Variants in TBXAS1 observed in about 807,000 individuals in gnomAD.
TBXAS1 encodes thromboxane-A synthase.
Under a neutral mutation model 60.7 loss-of-function variants are expected in TBXAS1, and 48 were observed. That is an observed-to-expected ratio of 0.79 (90% CI 0.63 to 1.01). The LOEUF (loss-of-function observed/expected upper bound fraction) is 1.01. Ranked by LOEUF, TBXAS1 falls within the 50% of genes least tolerant of loss-of-function variation. The pLI is 0.00. For synonymous variants in TBXAS1, 287 were observed against 269.7 expected (o/e 1.06, Z -0.63); for missense variants, 685 against 686.3 (o/e 1.00, Z 0.02).
rs557507007 is a variant in TBXAS1 at position 139,807,614 on chromosome 7, A to C, written c.-80+20188A>C. Among the ~76,000 whole-genome samples the C allele has an allele frequency of 1.6e-4, 24 of 151,942 alleles. 1 individual carries two copies. The South Asian group carries it at 5.0e-3, about 32-fold the overall frequency. On this transcript the variant is annotated intron_variant, in intron 4 of 16. Transcript: ENST00000336425. ...TGGCCAGGATGGTCTCGATCTCTTGACTTCGTGATCCACCCACCTCAGCCT... is the reference window on the plus strand; with the variant it reads ...TGGCCAGGATGGTCTCGATCTCTTGCCTTCGTGATCCACCCACCTCAGCCT...
At position 140,020,072 on chromosome 7, in the gene TBXAS1, T is replaced by G. The variant is rs756965786; in HGVS notation, c.1575T>G (p.Gly525=). The G allele has an allele frequency of 6.2e-7, 1 of 1,612,824 alleles. No homozygotes were observed. ...ESKSALGPKN[G]VYIKIVSR Reference sequence around the variant, plus strand: ...AATCTGCCCTAGGTCCAAAAAATGGTGTCTATATCAAGATCGTATCCCGCT... The same window carrying G: ...AATCTGCCCTAGGTCCAAAAAATGGGGTCTATATCAAGATCGTATCCCGCT... Residue 525 remains glycine (G), a synonymous_variant, in exon 13 of 13, where the codon GGT becomes GGG. Coordinates refer to ENST00000448866, the MANE Select transcript of TBXAS1 (RefSeq NM_001061.7).
At chr7:139,987,066 T>C (rs1193708544) in intron 9 of TBXAS1, among the ~76,000 whole-genome samples, 1 of 152,040 alleles carries the variant, frequency 6.6e-6, no homozygotes, top group Non-Finnish European at 1.5e-5. Context: ...AGTGCAGTCA[T>C]GAGCCAGCAC....
rs765376370 is a variant in TBXAS1, at chr7:140,017,740, C to A, written c.1434C>A (p.Ser478Arg). Residue 478 changes from serine (S) to arginine (R), a missense_variant, in exon 12 of 13, where the codon AGC becomes AGA. By Grantham distance (110) the Ser-to-Arg change is moderately radical. Coordinates refer to ENST00000448866, the MANE Select transcript of TBXAS1 (RefSeq NM_001061.7). ...TYLPFGAGPR[S>R]CLGVRLGLLE... ...TGCCCTTCGGGGCCGGCCCACGGAG[C>A]TGCCTCGGGGTGCGTCTAGGGCTGC... The A allele has an allele frequency of 1.2e-6, 2 of 1,614,074 alleles. No individual in the cohort carries two copies. The highest frequency in any genetic ancestry group is 1.7e-6 in the Non-Finnish European group (2 of 1,179,944).
In TBXAS1 at chr7:139,934,778, T is replaced by G. The variant is rs772859169; in HGVS notation, c.334-1413T>G. ...CTTCTAATAAGCACACCAGTCATGT[T>G]GGATTAGGGCCCACCCTAATGACCT... On this transcript the variant is annotated intron_variant, in intron 4 of 12. Transcript: ENST00000448866. 1.2e-4 allele frequency among the ~76,000 whole-genome samples: 18 copies of G among 152,174 alleles called. No homozygotes were observed. In the South Asian group the frequency reaches 1.7e-3, roughly 14 times the overall value.
At chr7:139,923,258 C>T (rs1584863927) in intron 4 of TBXAS1, among the ~76,000 whole-genome samples, 1 of 151,902 alleles carries the variant, frequency 6.6e-6, no homozygotes, top group African/African-American at 2.4e-5. Context: ...GCCCAGGAGG[C>T]GTAGGTTGTA....
chr7:139,930,022 A>C (rs1295200782), intron 4 of TBXAS1, among the ~76,000 whole-genome samples: 1 of 152,088 alleles, frequency 6.6e-6, no homozygotes, highest in Non-Finnish European at 1.5e-5. Flanking sequence ...GAGGCCCTCC[A>C]CACACAGGCC....
At chr7:139,995,549 C>T (rs1813228495) in intron 9 of TBXAS1, among the ~76,000 whole-genome samples, 1 of 152,170 alleles carries the variant, frequency 6.6e-6, no homozygotes, top group Admixed American at 6.5e-5. Flanking sequence ...TGGGGTCTCT[C>T]GTGTGGCTCT....
At position 139,928,588 on chromosome 7, in the gene TBXAS1, G is replaced by A. The variant is rs769457091; in HGVS notation, c.334-7603G>A. Among the ~76,000 whole-genome samples the A allele has an allele frequency of 1.1e-4, 17 of 152,112 alleles. 1 individual carries two copies. The highest frequency in any genetic ancestry group is 2.4e-4 in the Non-Finnish European group (16 of 68,024). ...TATGAAAATAACAAATAAAATGTTC[G>A]ATTCGACTGGGATAAGTGTAGAAAT... On this transcript the variant is annotated intron_variant, in intron 4 of 12. Coordinates refer to ENST00000448866, the MANE Select transcript of TBXAS1 (RefSeq NM_001061.7).
chr7:139,842,073 C>A (rs1799487108), intron 1 of TBXAS1, among the ~76,000 whole-genome samples: 1 of 151,960 alleles, frequency 6.6e-6, no homozygotes, highest in Admixed American at 6.5e-5. Flanking sequence ...GTGTATGAAC[C>A]AGTTCTGGAA....
chr7:139,924,191 T>C (rs1249724349), intron 4 of TBXAS1, among the ~76,000 whole-genome samples: 1 of 152,222 alleles, frequency 6.6e-6, no homozygotes, highest in South Asian at 2.1e-4. Flanking sequence ...ATGGTAGCTC[T>C]ATTTTTAGTT....
intron 11 of TBXAS1, chr7:140,016,670 T>C (rs903653635): frequency 6.3e-6 from 1 of 159,562 alleles, no homozygotes; most frequent in African/African-American, 2.4e-5. Flanking sequence ...TGGTTCATTG[T>C]CTCCTTTCAT....
At chr7:139,820,796 A>T (rs1798276687) in intron 4 of TBXAS1, among the ~76,000 whole-genome samples, 1 of 152,138 alleles carries the variant, frequency 6.6e-6, no homozygotes, top group Admixed American at 6.5e-5. Context: ...ATGCGCACCC[A>T]GCACAGTGCC....
At chr7:139,972,787 A>T (rs1331893736) in intron 9 of TBXAS1, among the ~76,000 whole-genome samples, 1 of 152,192 alleles carries the variant, frequency 6.6e-6, no homozygotes, top group East Asian at 1.9e-4. Flanking sequence ...CCCAGCCAGG[A>T]TGTAAACCCC....
chr7:139,837,182 T>C (rs886279435), intron 1 of TBXAS1, among the ~76,000 whole-genome samples: 1 of 152,172 alleles, frequency 6.6e-6, no homozygotes, highest in African/African-American at 2.4e-5. Context: ...GATGTGGTGA[T>C]CAGGGAACAC....
intron 3 of TBXAS1, among the ~76,000 whole-genome samples, chr7:139,887,904 C>A (rs776972605): frequency 2.6e-5 from 4 of 152,186 alleles, no homozygotes; most frequent in Non-Finnish European, 4.4e-5. Flanking sequence ...TATAGCAATG[C>A]TTTGTTGTCC....
chr7:140,016,208 G>T (rs1456376048), intron 11 of TBXAS1, among the ~76,000 whole-genome samples: 5 of 152,054 alleles, frequency 3.3e-5, no homozygotes, highest in South Asian at 2.1e-4. Context: ...GGCGCCTGTA[G>T]TCCCAGCTAC....
intron 3 of TBXAS1, among the ~76,000 whole-genome samples, chr7:139,887,712 G>A (rs1240006980): frequency 6.6e-6 from 1 of 152,168 alleles, no homozygotes; most frequent in African/African-American, 2.4e-5. Context: ...TTGAGCTAAT[G>A]TGAATAATGT....
At chr7:139,830,089 C>T (rs1212905792) in intron 1 of TBXAS1, among the ~76,000 whole-genome samples, 1 of 152,098 alleles carries the variant, frequency 6.6e-6, no homozygotes, top group Non-Finnish European at 1.5e-5. Flanking sequence ...CCGAGTTGCT[C>T]CCCTGTGGTT....
At chr7:139,779,590 T>G (rs1189174538) in intron 1 of TBXAS1, among the ~76,000 whole-genome samples, 1 of 152,232 alleles carries the variant, frequency 6.6e-6, no homozygotes, top group African/African-American at 2.4e-5. Flanking sequence ...TAGTGTTTTT[T>G]GCTCCACACC....
Sources: allele counts gnomAD v4.1 joint callset (sites outside exome capture counted in the v4.1 genomes callset), GRCh38; gene constraint gnomAD v4.1.1; transcripts MANE v1.5; gene names NCBI Gene and HGNC (gene_info 2026-07-23, HGNC 2026-07-21).